Variants in BTBD2 observed in about 807,000 individuals in gnomAD.
BTBD2 encodes the protein BTB/POZ domain-containing protein 2.
BTBD2 carries 15 observed loss-of-function variants against 44.0 expected under a neutral mutation model. That is an observed-to-expected ratio of 0.34 (90% CI 0.23 to 0.53). BTBD2 has a LOEUF of 0.53. BTBD2 is among the 20% of genes least tolerant of loss of function. BTBD2 has a pLI of 0.95. For synonymous variants in BTBD2, 443 were observed against 335.9 expected, an observed-to-expected ratio of 1.32 and a Z score of -3.49; for missense variants, 657 against 746.4, an observed-to-expected ratio of 0.88 and a Z score of 1.39.
At chr19:2,015,138 A>G in intron 1 of BTBD2, among the ~76,000 whole-genome samples, 159 bp downstream of exon 1, 1 of 104,424 alleles carries the variant, frequency 9.6e-6, no homozygotes, top group Admixed American at 1.0e-4. Context: ...GAGCCTGAGG[A>G]TGCAGGGGTG....
At chr19:1,989,098 A>G (rs1001566275) in intron 5 of BTBD2, among the ~76,000 whole-genome samples, 2 of 152,158 alleles carry the variant, frequency 1.3e-5, no homozygotes, top group African/African-American at 4.8e-5. Flanking sequence ...TGTATTTTTA[A>G]GAAGTATGTA....
chr19:1,995,547 G>C (rs1014684899), intron 2 of BTBD2, among the ~76,000 whole-genome samples: 1 of 151,310 alleles, frequency 6.6e-6, no homozygotes, highest in Admixed American at 6.6e-5. Flanking sequence ...CTCCCAAAGT[G>C]CTGGGATTAC....
At chr19:1,988,502 A>G (rs1163689901) in intron 5 of BTBD2, 2 of 152,272 alleles carry the variant, frequency 1.3e-5, no homozygotes, top group East Asian at 3.8e-4. Flanking sequence ...CTGGTGAGAA[A>G]CAGACCATTA....
chr19:1,986,479 T>A lies in BTBD2; in HGVS notation c.*9A>T. 1 of 1,611,668 alleles carries A rather than the reference T, an allele frequency of 6.2e-7. No homozygotes were observed. The highest frequency in any genetic ancestry group is 8.5e-7 in the Non-Finnish European group (1 of 1,178,226). Reference sequence around the variant, plus strand: ...CCACGGAGGGAGGGCGGTGTCGGTGTCGGGCAGCCTAGGTGTAGAAGATGA... The same window carrying A: ...CCACGGAGGGAGGGCGGTGTCGGTGACGGGCAGCCTAGGTGTAGAAGATGA... On this transcript the variant is annotated 3_prime_UTR_variant, in exon 9 of 9. Coordinates refer to ENST00000255608, the MANE Select transcript of BTBD2 (RefSeq NM_017797.4).
chr19:2,013,509 A>G, intron 1 of BTBD2: 1 of 985,352 alleles, frequency 1.0e-6, no homozygotes. Context: ...GGATCATAGG[A>G]TGGGGTGCAG....
intron 2 of BTBD2, among the ~76,000 whole-genome samples, chr19:1,996,431 G>A (rs994526214): frequency 1.3e-5 from 2 of 149,578 alleles, no homozygotes; most frequent in African/African-American, 5.0e-5. Flanking sequence ...GACATGGGAT[G>A]TGTTTCCATT....
At chr19:1,999,309 TC>T (rs2016294332) in intron 1 of BTBD2, among the ~76,000 whole-genome samples, 1 of 152,056 alleles carries the variant, frequency 6.6e-6, no homozygotes, top group African/African-American at 2.4e-5. Flanking sequence ...CGGTGCTAAC[TC>T]CGTGAGTCAG....
chr19:1,990,226 G>T, intron 4 of BTBD2, 25 bp from the exon 5 acceptor site: 1 of 1,568,004 alleles, frequency 6.4e-7, no homozygotes, highest in South Asian at 1.2e-5. Context: ...AAGGGGCTGC[G>T]TGAACACGAC....
intron 1 of BTBD2, among the ~76,000 whole-genome samples, chr19:2,000,020 T>C (rs770686849): frequency 4.0e-5 from 6 of 150,816 alleles, no homozygotes; most frequent in South Asian, 2.1e-4. Flanking sequence ...GGCGGCCGCA[T>C]GAAGCAGGGA....
At chr19:2,006,546 T>C (rs1048804267) in intron 1 of BTBD2, among the ~76,000 whole-genome samples, 1 of 151,896 alleles carries the variant, frequency 6.6e-6, no homozygotes, top group African/African-American at 2.4e-5. Flanking sequence ...CCCAACTTTA[T>C]GTCCTTAGAA....
intron 1 of BTBD2, chr19:2,013,600 G>C: frequency 1.0e-6 from 1 of 988,788 alleles, no homozygotes; most frequent in Non-Finnish European, 1.2e-6. Flanking sequence ...GGAGGTGGGT[G>C]GTCACTGAAG....
chr19:1,994,805 G>T (rs550893635), intron 2 of BTBD2, among the ~76,000 whole-genome samples: 5 of 152,088 alleles, frequency 3.3e-5, no homozygotes, highest in Admixed American at 6.6e-5. Context: ...CCCAGCCTGT[G>T]GGTGGCATTT....
At chr19:2,013,625 G>A (rs974836884) in intron 1 of BTBD2, 15 of 988,006 alleles carry the variant, frequency 1.5e-5, no homozygotes, top group Non-Finnish European at 1.7e-5. Context: ...AGGTGGCAGG[G>A]CCCAGGGGTC....
At chr19:1,995,580 C>A (rs1016760832) in intron 2 of BTBD2, among the ~76,000 whole-genome samples, 3 of 151,790 alleles carry the variant, frequency 2.0e-5, no homozygotes, top group African/African-American at 7.3e-5. Context: ...CTGCGCCTGG[C>A]CACTTTGGAT....
rs2016107551 is a variant in BTBD2 at position 1,987,512 on chromosome 19, C to G, written c.1169G>C (p.Ser390Thr). ...CCCCAAGCCCCACCTGATGCGGTCA[C>G]TGGTCCCGCTGTAGCCCCAGCGACT... is the stretch of plus-strand genomic sequence containing the variant. ...VESRWGYSGT[S>T]DRIRFSVNKR... The change falls in exon 6 of 9, where the codon AGT (serine) becomes ACT (threonine). Residue 390 changes from serine (S) to threonine (T), a missense_variant. Transcript: ENST00000255608. 6.3e-7 allele frequency: 1 copy of G among 1,587,300 alleles called. No homozygotes were observed. The highest frequency in any genetic ancestry group is 1.3e-5 in the African/African-American group (1 of 74,076).
At chr19:1,991,947 G>C (rs535688981) in intron 3 of BTBD2, 1 of 151,782 alleles carries the variant, frequency 6.6e-6, no homozygotes, top group Admixed American at 6.6e-5. Context: ...AGCCAGGCGC[G>C]GTGGTGGGGG....
Position 1,998,073 on chromosome 19 carries a change from ACACTCATT to A in BTBD2, c.408-618_408-611del, listed in dbSNP as rs958883259. On this transcript the variant is annotated intron_variant, in intron 1 of 8. Transcript: ENST00000255608. ...ATTCATTCACTTTCTCATTCATCGC[ACACTCATT>A]CACTCACCCATTCACACACACACAC... Among the ~76,000 whole-genome samples, 19 of 133,998 alleles carry A rather than the reference ACACTCATT, an allele frequency of 1.4e-4. No homozygotes were observed. In the East Asian group the frequency reaches 2.4e-3, roughly 17 times the overall value. The allele number at this position is 133,998 out of a possible 152,430, so 87.9% of individuals were successfully genotyped here.
chr19:1,988,718 C>G (rs1212631821), intron 5 of BTBD2: 1 of 152,244 alleles, frequency 6.6e-6, no homozygotes, highest in African/African-American at 2.4e-5. Context: ...ATTCTCCTGC[C>G]TCAGCCTCCA....
intron 3 of BTBD2, chr19:1,991,138 C>T (rs766538603): frequency 1.1e-5 from 3 of 268,402 alleles, no homozygotes; most frequent in African/African-American, 2.3e-5. Context: ...CAGCTGCACT[C>T]GGGGGGCAGC....
Sources: allele counts gnomAD v4.1 joint callset (sites outside exome capture counted in the v4.1 genomes callset), GRCh38; gene constraint gnomAD v4.1.1; transcripts MANE v1.5; gene names NCBI Gene and HGNC (gene_info 2026-07-23, HGNC 2026-07-21).